TRAPPC9: variants seen among roughly 807,000 people sequenced by gnomAD.
TRAPPC9 encodes the protein IKK2 binding protein.
TRAPPC9 carries 83 observed loss-of-function variants against 124.0 expected under a neutral mutation model. The ratio of observed to expected loss-of-function variants is 0.67; its 90% CI spans 0.56 to 0.80. The LOEUF is 0.80. TRAPPC9 is among the 30% of genes least tolerant of loss of function. The pLI, the probability that TRAPPC9 is intolerant of heterozygous loss-of-function variation, is 0.00. For missense variants in TRAPPC9, 1,302 were observed against 1,508.3 expected (o/e 0.86, Z 2.27); for synonymous variants, 638 against 617.5 (o/e 1.03, Z -0.49).
chr8:140,393,032 T>TTTTTATTTTATTTTATTTTA (rs200195467), intron 7 of TRAPPC9, among the ~76,000 whole-genome samples: 7 of 138,094 alleles, frequency 5.1e-5, no homozygotes, highest in South Asian at 2.3e-4. Flanking sequence ...TCCCATTTTA[T>TTTTTATTTTATTTTATTTTA]TTTTATTTTA....
intron 17 of TRAPPC9, among the ~76,000 whole-genome samples, chr8:140,181,927 C>T (rs1027152635): frequency 1.3e-5 from 2 of 152,082 alleles, no homozygotes; most frequent in Non-Finnish European, 2.9e-5. Context: ...CTGCAGGTTT[C>T]CTATGGTAAA....
chr8:140,434,702 G>A (rs2070751036), intron 4 of TRAPPC9, among the ~76,000 whole-genome samples: 1 of 152,192 alleles, frequency 6.6e-6, no homozygotes, highest in African/African-American at 2.4e-5. Context: ...AGGGCATGGT[G>A]GCTCACGCCT....
intron 21 of TRAPPC9, among the ~76,000 whole-genome samples, chr8:139,853,357 T>C (rs1586990940): frequency 6.6e-6 from 1 of 152,140 alleles, no homozygotes; most frequent in East Asian, 1.9e-4. Flanking sequence ...CTTCTCCTTT[T>C]TAGGAAAGAG....
intron 19 of TRAPPC9, among the ~76,000 whole-genome samples, chr8:139,963,575 G>A (rs13264199): frequency 0.36 from 55,234 of 151,642 alleles, 10,693 homozygotes; most frequent in East Asian, 0.67. Flanking sequence ...CTCAGGTCAC[G>A]TGGGCCCCTT....
chr8:140,013,540 C>T (rs1338076266), intron 18 of TRAPPC9, among the ~76,000 whole-genome samples: 2 of 152,216 alleles, frequency 1.3e-5, no homozygotes. Flanking sequence ...AACAAAGAGT[C>T]ACAGAGTGGC....
chr8:140,137,468 T>C (rs2061322987), intron 17 of TRAPPC9, among the ~76,000 whole-genome samples: 1 of 151,960 alleles, frequency 6.6e-6, no homozygotes, highest in Admixed American at 6.5e-5. Flanking sequence ...GTAGTGAGCT[T>C]TCCACGGCAG....
intron 21 of TRAPPC9, among the ~76,000 whole-genome samples, chr8:139,783,647 A>T (rs1821986573): frequency 6.6e-6 from 1 of 152,376 alleles, no homozygotes; most frequent in Non-Finnish European, 1.5e-5. Context: ...TTTCCAACTC[A>T]TCTTCTGAGT....
At chr8:139,932,663 C>T in intron 19 of TRAPPC9, 1 of 388,238 alleles carries the variant, frequency 2.6e-6, no homozygotes, top group Non-Finnish European at 5.2e-6. Flanking sequence ...ACGTGGGAGG[C>T]TGAGGCACGA....
At position 140,353,011 on chromosome 8, in the gene TRAPPC9, A is replaced by G. The variant is rs899151170; in HGVS notation, c.1495+7039T>C. On this transcript the variant is annotated intron_variant, in intron 9 of 22. Transcript: ENST00000438773. This position sits in a 1 kb window ranked among gnomAD's most constrained non-coding sequence, Gnocchi z 4.2. ...TCAGGTGTGTCATCTCCAATCCTTA[A>G]AACAATCCCACAAGGTAGACGCAAA... Among the ~76,000 whole-genome samples the G allele has an allele frequency of 1.3e-5, 2 of 152,180 alleles. No individual in the cohort carries two copies. The highest frequency in any genetic ancestry group is 2.9e-5 in the Non-Finnish European group (2 of 68,036).
chr8:139,909,199 T>C (rs980381164), intron 20 of TRAPPC9, among the ~76,000 whole-genome samples: 1 of 152,178 alleles, frequency 6.6e-6, no homozygotes. Context: ...TGTGCATGAC[T>C]GAGATCATTA....
chr8:139,916,262 T>TA (rs1832122673), intron 19 of TRAPPC9: 1 of 152,254 alleles, frequency 6.6e-6, no homozygotes, highest in Non-Finnish European at 1.5e-5. Flanking sequence ...TTGAGGCTGA[T>TA]ACACCCCACT....
intron 17 of TRAPPC9, among the ~76,000 whole-genome samples, chr8:140,193,703 T>G (rs1428623684): frequency 6.7e-6 from 1 of 148,298 alleles, no homozygotes; most frequent in East Asian, 2.0e-4. Context: ...CTGAAACCAG[T>G]CCACAGGAGG....
At position 140,311,332 on chromosome 8, in the gene TRAPPC9, T is replaced by C. The variant is rs2066292300; in HGVS notation, c.1538A>G (p.Lys513Arg). The C allele has an allele frequency of 6.2e-7, 1 of 1,614,064 alleles. No homozygotes were observed. Residue 513 changes from lysine (K) to arginine (R), a missense_variant, in exon 10 of 23, where the codon AAG becomes AGG. Lys to Arg is a conservative substitution (Grantham distance 26). Coordinates refer to ENST00000438773, the MANE Select transcript of TRAPPC9 (RefSeq NM_001160372.4). ...VAQSLENYTSKCPGTMEPIAL... is the reference protein window; with the variant it reads ...VAQSLENYTSRCPGTMEPIAL... ...GATGGGCTCCATGGTCCCAGGACAC[T>C]TGGACGTATAGTTCTCTAGGCTTTG...
At chr8:140,215,603 G>A (rs897112771) in intron 17 of TRAPPC9, among the ~76,000 whole-genome samples, 6 of 150,186 alleles carry the variant, frequency 4.0e-5, no homozygotes, top group Admixed American at 1.3e-4. Flanking sequence ...CCAAGATCAC[G>A]CCACTGCTCT....
In TRAPPC9 at chr8:140,404,892, ACGTG is replaced by A. The variant is rs1206493627; in HGVS notation, c.1008+681_1008+684del. 1.6e-4 allele frequency among the ~76,000 whole-genome samples: 9 copies of A among 57,218 alleles called. No individual in the cohort carries two copies. The East Asian group carries it at 0.01, about 64-fold the overall frequency. The allele number at this position is 57,218 out of a possible 152,430, so 37.5% of individuals were successfully genotyped here. ...CATGCGCGTGTAAGTGCATGTGTGC[ACGTG>A]TGTGTGAGCATGCGTGTGTGTGTGT... On this transcript the variant is annotated intron_variant, in intron 6 of 22. Coordinates refer to ENST00000438773, the MANE Select transcript of TRAPPC9 (RefSeq NM_001160372.4).
chr8:140,438,534 T>G (rs1486250544), intron 3 of TRAPPC9, among the ~76,000 whole-genome samples: 1 of 152,016 alleles, frequency 6.6e-6, no homozygotes, highest in Non-Finnish European at 1.5e-5. Flanking sequence ...AGGGCCTCCT[T>G]CAGAGGACGC....
intron 20 of TRAPPC9, among the ~76,000 whole-genome samples, chr8:139,890,435 G>A (rs888879687): frequency 4.6e-5 from 7 of 152,228 alleles, no homozygotes; most frequent in African/African-American, 1.7e-4. Flanking sequence ...GCCTGCCCAG[G>A]GCAGTCCATG....
intron 7 of TRAPPC9, among the ~76,000 whole-genome samples, chr8:140,381,204 CA>C (rs35624592): frequency 0.67 from 72,860 of 108,840 alleles, 21,425 homozygotes; most frequent in Middle Eastern, 0.75. Context: ...AACTCCATCT[CA>C]AAAAAAAAAA....
At chr8:139,848,528 T>C (rs561374710) in intron 21 of TRAPPC9, among the ~76,000 whole-genome samples, 63 of 151,652 alleles carry the variant, frequency 4.2e-4, no homozygotes, top group East Asian at 9.7e-4. Flanking sequence ...TATATATATA[T>C]ACACACACAC....
Sources: gnomAD v4.1 joint callset for allele counts (sites outside exome capture counted in the v4.1 genomes callset) on GRCh38, gnomAD v4.1.1 for gene constraint, Gnocchi (gnomAD v3.1) non-coding constraint, MANE v1.5 for transcripts, NCBI Gene and HGNC (gene_info 2026-07-23, HGNC 2026-07-21) for gene names.